The following SLC2A14 variants were observed in gnomAD, a reference collection of about 807,000 sequenced individuals.
The protein encoded by SLC2A14 is solute carrier family 2, facilitated glucose transporter member 14.
Under a neutral mutation model 43.0 loss-of-function variants are expected in SLC2A14, and 13 were observed. The ratio of observed to expected loss-of-function variants is 0.30; its 90% CI spans 0.20 to 0.48. The LOEUF (loss-of-function observed/expected upper bound fraction) is 0.48. Ranked by LOEUF, SLC2A14 falls within the 20% of genes least tolerant of loss-of-function variation. SLC2A14 has a pLI of 0.99. For synonymous variants in SLC2A14, 190 were observed against 233.8 expected, an observed-to-expected ratio of 0.81 and a Z score of 1.71; for missense variants, 428 against 620.4, an observed-to-expected ratio of 0.69 and a Z score of 3.29.
At chr12:7,857,667 A>C (rs1211614144) in intron 2 of SLC2A14, among the ~76,000 whole-genome samples, 1 of 152,096 alleles carries the variant, frequency 6.6e-6, no homozygotes, top group Non-Finnish European at 1.5e-5. Context: ...GCTTGAGAGG[A>C]TAGAACAGTA....
intron 2 of SLC2A14, among the ~76,000 whole-genome samples, chr12:7,842,515 T>C (rs1442652079): frequency 1.3e-5 from 2 of 152,186 alleles, no homozygotes; most frequent in East Asian, 3.8e-4. Context: ...GCAACACAGA[T>C]AATTGCTTGC....
At chr12:7,832,300 T>A (rs1865108138) in intron 3 of SLC2A14, among the ~76,000 whole-genome samples, 2 of 152,174 alleles carry the variant, frequency 1.3e-5, no homozygotes. Flanking sequence ...AGCCCTCTGC[T>A]AAGCGAACCT....
chr12:7,819,297 G>C (rs1863738753), intron 9 of SLC2A14, among the ~76,000 whole-genome samples, 185 bp downstream of exon 9: 1 of 152,150 alleles, frequency 6.6e-6, no homozygotes, highest in Non-Finnish European at 1.5e-5. Flanking sequence ...TAAATGTAAA[G>C]ATTCTAACAG....
rs965265650 is a variant in SLC2A14 at position 7,828,885 on chromosome 12, T to C, written c.514-19A>G. On this transcript the variant is annotated intron_variant, in intron 5 of 10. Coordinates refer to ENST00000431042, the MANE Select transcript of SLC2A14 (RefSeq NM_001286234.2). ...CAAAGATCTAGAAACCACACAAAGA[T>C]AATGCTATAAACCCCATACTTCACA... The C allele has an allele frequency of 1.2e-6, 2 of 1,611,800 alleles. No homozygotes were observed. Among genetic ancestry groups the C allele is most frequent in the South Asian group, 1.1e-5 (1 of 90,820 alleles).
chr12:7,873,426 G>T, upstream of SLC2A14: 5 of 913,406 alleles, frequency 5.5e-6, no homozygotes, highest in Non-Finnish European at 6.5e-6. Flanking sequence ...CGGATAACTT[G>T]AGGTCAGGGG....
At chr12:7,831,995 C>CT (rs1865075356) in intron 3 of SLC2A14, among the ~76,000 whole-genome samples, 1 of 152,244 alleles carries the variant, frequency 6.6e-6, no homozygotes, top group African/African-American at 2.4e-5. Flanking sequence ...GTAATCCCAG[C>CT]TACTCGGGAG....
intron 2 of SLC2A14, among the ~76,000 whole-genome samples, chr12:7,834,089 C>T (rs1454775661): frequency 6.6e-6 from 1 of 152,148 alleles, no homozygotes; most frequent in Non-Finnish European, 1.5e-5. Context: ...AGCATCGATA[C>T]CCTGGAGGGC....
Position 7,817,910 on chromosome 12 carries a change from C to T in SLC2A14, c.1196G>A (p.Arg399His), listed in dbSNP as rs761859394. 7 of 1,614,088 alleles carry T rather than the reference C, an allele frequency of 4.3e-6. No homozygotes were observed. The highest frequency in any genetic ancestry group is 1.6e-4 in the Middle Eastern group (1 of 6,062). The change falls in exon 10 of 11, where the codon CGC (arginine) becomes CAC (histidine). Residue 399 changes from arginine (R) to histidine (H), a missense_variant. By Grantham distance (29) the Arg-to-His change is conservative (BLOSUM62 0). Around this residue, in one of 4 missense-constraint regions of SLC2A14, gnomAD observed 119 missense variants for 188.7 expected, o/e 0.63. Transcript: ENST00000431042. ...GCCGGCCACTGCCATCGCAGCTGGG[C>T]GGGGGCCCTGGCTGAAGAGTTCGGC... The part of the protein sequence containing the change: ...IVAELFSQGP[R>H]PAAMAVAGCS...
At chr12:7,881,245 G>C (rs995102945) in intron 1 of SLC2A14, among the ~76,000 whole-genome samples, 1 of 152,102 alleles carries the variant, frequency 6.6e-6, no homozygotes, top group Non-Finnish European at 1.5e-5. Context: ...GCCTAGGCCG[G>C]AGCCAGCTCC....
At chr12:7,842,651 C>G (rs1866066346) in intron 2 of SLC2A14, among the ~76,000 whole-genome samples, 3 of 152,002 alleles carry the variant, frequency 2.0e-5, no homozygotes. Context: ...CCCCCCTCCC[C>G]CCACTCACAG....
intron 2 of SLC2A14, among the ~76,000 whole-genome samples, chr12:7,856,727 T>C (rs960974532): frequency 7.9e-5 from 12 of 152,120 alleles, no homozygotes; most frequent in African/African-American, 2.9e-4. Flanking sequence ...GGGAGGCTGT[T>C]AGACATACAA....
intron 2 of SLC2A14, among the ~76,000 whole-genome samples, chr12:7,846,979 C>T (rs1166310559): frequency 6.6e-6 from 1 of 151,150 alleles, no homozygotes; most frequent in South Asian, 2.1e-4. Flanking sequence ...GGCGGCCGGG[C>T]GCAGTGGCCA....
At chr12:7,853,673 G>A (rs998180127) in intron 2 of SLC2A14, among the ~76,000 whole-genome samples, 1 of 151,968 alleles carries the variant, frequency 6.6e-6, no homozygotes, top group Non-Finnish European at 1.5e-5. Flanking sequence ...CAAATCCGAG[G>A]GATGACAGTC....
intron 2 of SLC2A14, among the ~76,000 whole-genome samples, chr12:7,858,796 G>C (rs1269153736): frequency 1.3e-5 from 2 of 152,038 alleles, no homozygotes; most frequent in East Asian, 3.8e-4. Context: ...ACCCTGCCCA[G>C]CCCCAAATTT....
At chr12:7,817,466 G>T (rs1863551311) in intron 10 of SLC2A14, among the ~76,000 whole-genome samples, 1 of 151,740 alleles carries the variant, frequency 6.6e-6, no homozygotes, top group Non-Finnish European at 1.5e-5. Context: ...TACGTAGGCT[G>T]GTTTTAAGAT....
At chr12:7,830,110 T>G (rs1428564516) in intron 4 of SLC2A14, 104 bp from the exon 5 acceptor site, 142 of 1,434,482 alleles carry the variant, frequency 9.9e-5, no homozygotes, top group Non-Finnish European at 1.3e-4. Flanking sequence ...TTATATCAAC[T>G]CCTTTTTTGG....
chr12:7,873,099 A>G (rs1945331380), upstream of SLC2A14: 1 of 985,768 alleles, frequency 1.0e-6, no homozygotes, highest in African/African-American at 1.7e-5. Context: ...CGCACGGTCC[A>G]GCCCCGGCGG....
At chr12:7,883,328 C>T (rs796913732) in intron 1 of SLC2A14, among the ~76,000 whole-genome samples, 20 of 131,348 alleles carry the variant, frequency 1.5e-4, no homozygotes, top group African/African-American at 4.4e-4. Flanking sequence ...AGTGCAGGGG[C>T]GTGATCTTGG....
At chr12:7,821,472 C>A (rs938021334) in intron 7 of SLC2A14, 147 bp from the exon 8 acceptor site, 1 of 634,724 alleles carries the variant, frequency 1.6e-6, no homozygotes, top group Non-Finnish European at 2.8e-6. Context: ...CGCCTGAGGT[C>A]AGGAGTTTGA....
Sources: allele counts gnomAD v4.1 joint callset (sites outside exome capture counted in the v4.1 genomes callset), GRCh38; gene constraint gnomAD v4.1.1; regional missense constraint gnomAD v4.1.1; transcripts MANE v1.5; gene names NCBI Gene and HGNC (gene_info 2026-07-23, HGNC 2026-07-21).